Variants in COX7B2 observed in about 807,000 individuals in gnomAD.
COX7B2 encodes cytochrome c oxidase subunit 7B2, mitochondrial.
For missense variants in COX7B2, 109 were observed against 95.9 expected (o/e 1.14, Z -0.57); for synonymous variants, 37 against 32.1 (o/e 1.15, Z -0.51).
chr4:46,843,307 C>T (rs549577486), intron 2 of COX7B2, among the ~76,000 whole-genome samples: 1 of 152,052 alleles, frequency 6.6e-6, no homozygotes, highest in East Asian at 1.9e-4. Context: ...TCATAAGGTA[C>T]CCATATCTGG....
chr4:46,850,498 G>C (rs905241589), intron 1 of COX7B2, among the ~76,000 whole-genome samples: 2 of 151,928 alleles, frequency 1.3e-5, no homozygotes, highest in Non-Finnish European at 2.9e-5. Flanking sequence ...AAATAATATA[G>C]ATATCTCACA....
rs548204776 is a variant in COX7B2, at chr4:46,807,122, C to T, written c.-50+37838G>A. 2.4e-4 allele frequency among the ~76,000 whole-genome samples: 36 copies of T among 151,786 alleles called. No homozygotes were observed. In the South Asian group the frequency reaches 5.0e-3, roughly 21 times the overall value. On this transcript the variant is annotated intron_variant, in intron 2 of 2. Transcript: ENST00000355591. The stretch of plus-strand genomic sequence containing the variant: ...TTTTTTTTATAATGGCCATACTAAT[C>T]GACAGTCCCACAGTGTACAAGAGAT...
intron 2 of COX7B2, among the ~76,000 whole-genome samples, chr4:46,811,754 G>GTCACTTCTTC (rs754059146): frequency 1.3e-5 from 2 of 152,164 alleles, no homozygotes; most frequent in African/African-American, 2.4e-5. Context: ...AGACAGTGCA[G>GTCACTTCTTC]TCACTTCTTC....
intron 2 of COX7B2, among the ~76,000 whole-genome samples, chr4:46,765,765 G>C (rs971588927): frequency 6.6e-6 from 1 of 151,774 alleles, no homozygotes; most frequent in Non-Finnish European, 1.5e-5. Flanking sequence ...CCACAACTGA[G>C]TCCCCAGGCT....
intron 2 of COX7B2, among the ~76,000 whole-genome samples, chr4:46,764,200 C>T (rs1010268605): frequency 2.0e-5 from 3 of 152,104 alleles, no homozygotes; most frequent in Non-Finnish European, 4.4e-5. Context: ...ACTTAAGTTC[C>T]TCTTTTTGAA....
At chr4:46,799,075 G>A (rs773974677) in intron 2 of COX7B2, among the ~76,000 whole-genome samples, 6 of 152,146 alleles carry the variant, frequency 3.9e-5, no homozygotes, top group Non-Finnish European at 8.8e-5. Flanking sequence ...ACCTTCAGAA[G>A]CTCTGGTTAG....
At chr4:46,857,678 A>C (rs1422868069) in intron 1 of COX7B2, among the ~76,000 whole-genome samples, 1 of 152,224 alleles carries the variant, frequency 6.6e-6, no homozygotes, top group Non-Finnish European at 1.5e-5. Flanking sequence ...TGTAACAGCC[A>C]AATTAAACAA....
intron 2 of COX7B2, among the ~76,000 whole-genome samples, chr4:46,793,608 C>A (rs1001520856): frequency 2.0e-5 from 3 of 152,194 alleles, no homozygotes; most frequent in African/African-American, 7.2e-5. Flanking sequence ...AGATGTGCAG[C>A]TCAAACACCA....
intron 2 of COX7B2, among the ~76,000 whole-genome samples, chr4:46,842,558 C>T (rs1013200664): frequency 6.6e-6 from 1 of 151,898 alleles, no homozygotes; most frequent in Non-Finnish European, 1.5e-5. Context: ...CCACTCCCCC[C>T]ACCCCACAAC....
At chr4:46,897,019 T>C (rs978733087) in intron 1 of COX7B2, among the ~76,000 whole-genome samples, 2 of 152,206 alleles carry the variant, frequency 1.3e-5, no homozygotes, top group African/African-American at 4.8e-5. Context: ...CAAGATATAT[T>C]CTTGGAGGTA....
At chr4:46,752,290 G>A (rs960151144) in intron 2 of COX7B2, among the ~76,000 whole-genome samples, 1 of 151,396 alleles carries the variant, frequency 6.6e-6, no homozygotes, top group Non-Finnish European at 1.5e-5. Flanking sequence ...CTTTGCTGAA[G>A]TTGCTTATCA....
At chr4:46,854,541 A>G (rs1330211832) in intron 1 of COX7B2, among the ~76,000 whole-genome samples, 1 of 152,214 alleles carries the variant, frequency 6.6e-6, no homozygotes, top group Non-Finnish European at 1.5e-5. Flanking sequence ...ACTGTTCTAC[A>G]CTGTAAATCC....
At chr4:46,905,433 G>T (rs944946945) in intron 1 of COX7B2, among the ~76,000 whole-genome samples, 1 of 152,104 alleles carries the variant, frequency 6.6e-6, no homozygotes, top group Non-Finnish European at 1.5e-5. Flanking sequence ...GAGGAAGAAG[G>T]GGACATGAAA....
intron 2 of COX7B2, among the ~76,000 whole-genome samples, chr4:46,752,002 C>T (rs1271065827): frequency 6.6e-6 from 1 of 152,018 alleles, no homozygotes; most frequent in Admixed American, 6.6e-5. Flanking sequence ...TATAAGTTAC[C>T]TTGGGCAGTA....
intron 2 of COX7B2, among the ~76,000 whole-genome samples, chr4:46,743,452 T>C (rs960680604): frequency 6.6e-6 from 1 of 152,224 alleles, no homozygotes; most frequent in African/African-American, 2.4e-5. Flanking sequence ...TTAAAAAAAG[T>C]ATATTCCATC....
intron 2 of COX7B2, among the ~76,000 whole-genome samples, chr4:46,831,135 G>C (rs1560408281): frequency 6.6e-6 from 1 of 152,154 alleles, no homozygotes. Flanking sequence ...CATTGGGAGT[G>C]GCCGGCCGGC....
intron 2 of COX7B2, among the ~76,000 whole-genome samples, chr4:46,822,747 A>G (rs1033980802): frequency 4.6e-5 from 7 of 152,206 alleles, no homozygotes; most frequent in African/African-American, 1.7e-4. Flanking sequence ...TAAATCCCAG[A>G]TTCTAAAACT....
chr4:46,857,872 T>G (rs1238322498), intron 1 of COX7B2, among the ~76,000 whole-genome samples: 3 of 152,220 alleles, frequency 2.0e-5, no homozygotes, highest in Admixed American at 2.0e-4. Context: ...TGTGTTGTTT[T>G]GTTTTGTTTC....
intron 2 of COX7B2, among the ~76,000 whole-genome samples, chr4:46,759,815 G>C (rs1008289002): frequency 5.4e-5 from 4 of 74,032 alleles, no homozygotes; most frequent in African/African-American, 1.8e-4. Context: ...TCTTATATAA[G>C]TTATATAAGT....
Sources: gnomAD v4.1 joint callset for allele counts (sites outside exome capture counted in the v4.1 genomes callset) on GRCh38, gnomAD v4.1.1 for gene constraint, MANE v1.5 for transcripts, NCBI Gene and HGNC (gene_info 2026-07-23, HGNC 2026-07-21) for gene names.